The following ARHGEF38 variants were observed in gnomAD, a reference collection of about 807,000 sequenced individuals.
ARHGEF38 encodes Rho guanine nucleotide exchange factor (GEF) 38.
In ARHGEF38, 79 loss-of-function variants were observed where a neutral mutation model predicts 79.9. That is an observed-to-expected ratio of 0.99 (90% CI 0.82 to 1.19). The LOEUF (loss-of-function observed/expected upper bound fraction) is 1.19, where lower values mean the gene tolerates loss of function less well. ARHGEF38 is among the 50% of genes most tolerant of loss of function. ARHGEF38 has a pLI of 0.00. For missense variants in ARHGEF38, 962 were observed against 907.2 expected (o/e 1.06, Z -0.78); for synonymous variants, 366 against 328.3 (o/e 1.11, Z -1.24).
At chr4:105,650,037 G>T (rs73837089) in intron 7 of ARHGEF38, among the ~76,000 whole-genome samples, 3,723 of 152,240 alleles carry the variant, frequency 0.024, 145 homozygotes, top group African/African-American at 0.082. Flanking sequence ...CATACATCAA[G>T]AAAACACCTA....
intron 3 of ARHGEF38, among the ~76,000 whole-genome samples, chr4:105,624,392 C>T (rs1205257115): frequency 6.6e-6 from 1 of 152,090 alleles, no homozygotes; most frequent in African/African-American, 2.4e-5. Flanking sequence ...TTCTAGGAAA[C>T]CAGAGTTTTT....
chr4:105,591,641 G>A (rs150310530), intron 2 of ARHGEF38, among the ~76,000 whole-genome samples: 413 of 152,334 alleles, frequency 2.7e-3, no homozygotes, highest in African/African-American at 8.9e-3. Flanking sequence ...GTATAAAGAG[G>A]AGTAGCAAAG....
chr4:105,631,457 G>A lies in ARHGEF38; in HGVS notation c.656+412G>A, dbSNP rs866936296. The A allele has an allele frequency of 1.9e-5, 19 of 985,858 alleles. No homozygotes were observed. In the South Asian group the frequency reaches 2.8e-4, roughly 15 times the overall value. 61.1% of individuals were successfully genotyped at this position (985,858 alleles called of 1,614,324 possible). On this transcript the variant is annotated intron_variant, in intron 4 of 13. Coordinates refer to ENST00000420470, the MANE Select transcript of ARHGEF38 (RefSeq NM_001242729.2). ...GAATGGCCTACAACTCTGCATGGCC[G>A]TCTTCTTTCCCCAAACTCACTGTGG...
chr4:105,564,552 G>T (rs1442826298), intron 1 of ARHGEF38, among the ~76,000 whole-genome samples: 7 of 152,118 alleles, frequency 4.6e-5, no homozygotes, highest in African/African-American at 1.7e-4. Context: ...AGATGAAAAA[G>T]TTGTAATGAT....
intron 2 of ARHGEF38, among the ~76,000 whole-genome samples, chr4:105,608,852 A>G (rs1728168159): frequency 6.6e-6 from 1 of 151,888 alleles, no homozygotes; most frequent in South Asian, 2.1e-4. Context: ...CCATGTTTTA[A>G]TGGGATTATT....
chr4:105,659,886 T>TGTGC lies in ARHGEF38; in HGVS notation c.1545+523_1545+524insGCGT, dbSNP rs35842406. Among the ~76,000 whole-genome samples the TGTGC allele has an allele frequency of 3.3e-3, 495 of 150,634 alleles. 4 individuals carry two copies. The highest frequency in any genetic ancestry group is 7.3e-3 in the African/African-American group (295 of 40,424). ...GTGTGTGTGTGTGTGTGTGTGTGTGTGTAGCTTCGCCTCCCATTAGGATAT... is the reference window on the plus strand; with the variant it reads ...GTGTGTGTGTGTGTGTGTGTGTGTGTGTGCGTAGCTTCGCCTCCCATTAGGATAT... On this transcript the variant is annotated intron_variant, in intron 10 of 13. Coordinates refer to ENST00000420470, the MANE Select transcript of ARHGEF38 (RefSeq NM_001242729.2).
At chr4:105,614,948 T>G (rs115248019) in intron 3 of ARHGEF38, among the ~76,000 whole-genome samples, 193 of 152,278 alleles carry the variant, frequency 1.3e-3, no homozygotes, top group African/African-American at 4.5e-3. Flanking sequence ...CTGCAAACCT[T>G]GGAGGATAAA....
intron 10 of ARHGEF38, among the ~76,000 whole-genome samples, chr4:105,660,654 G>T (rs1487733400): frequency 1.3e-5 from 2 of 152,064 alleles, no homozygotes; most frequent in African/African-American, 4.8e-5. Context: ...TGGTCAGGCT[G>T]GTCTCGAACT....
chr4:105,576,313 A>G (rs568303267), intron 1 of ARHGEF38, among the ~76,000 whole-genome samples: 24 of 151,666 alleles, frequency 1.6e-4, no homozygotes, highest in African/African-American at 5.8e-4. Context: ...TGTGTCATCT[A>G]TGCTTTATTT....
chr4:105,615,985 G>A (rs1360389041), intron 3 of ARHGEF38, among the ~76,000 whole-genome samples: 1 of 152,164 alleles, frequency 6.6e-6, no homozygotes, highest in East Asian at 1.9e-4. Flanking sequence ...GTTGTGTCAT[G>A]ACCCATGCTG....
intron 5 of ARHGEF38, among the ~76,000 whole-genome samples, chr4:105,637,019 A>G (rs1345549422): frequency 6.6e-6 from 1 of 152,096 alleles, no homozygotes; most frequent in Non-Finnish European, 1.5e-5. Flanking sequence ...AAATGTATCC[A>G]GGCTGATTAA....
chr4:105,575,031 CA>C, intron 1 of ARHGEF38, among the ~76,000 whole-genome samples: 1 of 151,992 alleles, frequency 6.6e-6, no homozygotes, highest in East Asian at 1.9e-4. Flanking sequence ...CACACACACA[CA>C]CACACCATAT....
intron 1 of ARHGEF38, among the ~76,000 whole-genome samples, chr4:105,569,527 A>C (rs1416143253): frequency 6.6e-6 from 1 of 152,248 alleles, no homozygotes; most frequent in Non-Finnish European, 1.5e-5. Context: ...CAAGTAAATC[A>C]TGGTCGTAAA....
chr4:105,561,459 A>AATG (rs1725574431), intron 1 of ARHGEF38: 7 of 38,058 alleles, frequency 1.8e-4, no homozygotes, highest in South Asian at 9.7e-4. Context: ...GGAATAGAAT[A>AATG]GAATAGAATA....
At chr4:105,619,376 C>T (rs1301402370) in intron 3 of ARHGEF38, among the ~76,000 whole-genome samples, 1 of 152,014 alleles carries the variant, frequency 6.6e-6, no homozygotes, top group African/African-American at 2.4e-5. Flanking sequence ...CCAGCCAGTC[C>T]ACCAACTGAC....
chr4:105,614,985 A>G (rs1055932471), intron 3 of ARHGEF38, among the ~76,000 whole-genome samples: 2 of 152,220 alleles, frequency 1.3e-5, no homozygotes, highest in Non-Finnish European at 2.9e-5. Flanking sequence ...GGAAACTCCA[A>G]GGATTCTTGA....
intron 7 of ARHGEF38, among the ~76,000 whole-genome samples, chr4:105,652,197 C>G (rs1730132939): frequency 6.6e-6 from 1 of 152,118 alleles, no homozygotes; most frequent in Non-Finnish European, 1.5e-5. Context: ...CCTCCTGAAG[C>G]TTCTGTTTCT....
chr4:105,662,350 C>A (rs1730593506), intron 10 of ARHGEF38, among the ~76,000 whole-genome samples: 1 of 151,922 alleles, frequency 6.6e-6, no homozygotes, highest in South Asian at 2.1e-4. Context: ...TCCAAGTTAA[C>A]CTTTGTCTTT....
intron 1 of ARHGEF38, among the ~76,000 whole-genome samples, chr4:105,564,159 T>C (rs1273477486): frequency 6.6e-6 from 1 of 152,120 alleles, no homozygotes; most frequent in African/African-American, 2.4e-5. Context: ...CCCCAGGAGA[T>C]TTTACAGACA....
Sources: allele counts gnomAD v4.1 joint callset (sites outside exome capture counted in the v4.1 genomes callset), GRCh38; gene constraint gnomAD v4.1.1; transcripts MANE v1.5; gene names NCBI Gene and HGNC (gene_info 2026-07-23, HGNC 2026-07-21).